Variants in HOXD11 observed in about 807,000 individuals in gnomAD.
HOXD11 encodes homeobox D11.
A neutral mutation model predicts 23.1 loss-of-function variants in HOXD11; 16 were observed. The observed-to-expected ratio is 0.69, with a 90% CI of 0.47 to 1.05. The LOEUF is 1.05. Ranked by LOEUF, HOXD11 falls within the 50% of genes least tolerant of loss-of-function variation. The pLI is 0.00. For missense variants in HOXD11, 564 were observed against 495.6 expected (o/e 1.14, Z -1.31); for synonymous variants, 262 against 224.4 (o/e 1.17, Z -1.50).
Position 176,107,554 on chromosome 2 carries a change from G to T in HOXD11, c.199G>T (p.Gly67Cys), listed in dbSNP as rs766418166. 4 of 1,596,728 alleles carry T rather than the reference G, an allele frequency of 2.5e-6. No homozygotes were observed. In the East Asian group the frequency reaches 7.0e-5, roughly 28 times the overall value. Residue 67 changes from glycine (G) to cysteine (C), a missense_variant, in exon 1 of 2, where the codon GGC becomes TGC. Coordinates refer to ENST00000249504, the MANE Select transcript of HOXD11 (RefSeq NM_021192.3). ...PVREVAFRDY[G>C]LERAKWPYRG... is the part of the protein sequence containing the mutation. ...GCGCGAAGTGGCCTTCCGCGACTAC[G>T]GCCTGGAGCGCGCCAAGTGGCCGTA... is the stretch of plus-strand genomic sequence containing the variant.
Position 176,107,404 on chromosome 2 carries a change from C to G in HOXD11, c.49C>G (p.Pro17Ala), listed in dbSNP as rs762738854. ...CGQSAASMYLPGCAYYVAPSD... is the reference protein window; with the variant it reads ...CGQSAASMYLAGCAYYVAPSD... Reference sequence around the variant, plus strand: ...CCAGAGCGCAGCCAGCATGTACCTGCCGGGCTGCGCCTACTATGTGGCCCC... The same window carrying G: ...CCAGAGCGCAGCCAGCATGTACCTGGCGGGCTGCGCCTACTATGTGGCCCC... The change falls in exon 1 of 2, where the codon CCG becomes GCG. Residue 17 changes from proline to alanine, a missense_variant. By Grantham distance (27) the Pro-to-Ala change is conservative. Coordinates refer to ENST00000249504, the MANE Select transcript of HOXD11 (RefSeq NM_021192.3). 8 of 1,613,540 alleles carry G rather than the reference C, an allele frequency of 5.0e-6. No individual in the cohort carries two copies. Among genetic ancestry groups the G allele is most frequent in the Non-Finnish European group, 5.1e-6 (6 of 1,179,814 alleles).
chr2:176,115,173 G>T, the HOXD11 span, among the ~76,000 whole-genome samples: 2 of 150,132 alleles, frequency 1.3e-5, no homozygotes, highest in Admixed American at 1.3e-4. Context: ...GGTAGTGGTG[G>T]TTCTTTAATG....
Position 176,107,606 on chromosome 2 carries a change from C to CG in HOXD11, c.257dup (p.Gly87ArgfsTer59). The CG allele has an allele frequency of 3.2e-6, 4 of 1,249,356 alleles. No homozygotes were observed. The highest frequency in any genetic ancestry group is 2.1e-4 in the Middle Eastern group (1 of 4,778). 77.4% of individuals were successfully genotyped at this position (1,249,356 alleles called of 1,614,324 possible). The stretch of plus-strand genomic sequence containing the variant: ...CGCGGCGGCGGCGGCGGCGGCAGCG[C>CG]GGGGGGCGGCAGCAGCGGGGGCGGC... On this transcript the variant is annotated frameshift_variant, in exon 1 of 2. Transcript: ENST00000249504. LOFTEE classifies it high-confidence loss of function.
At chr2:176,108,232 A>G in intron 1 of HOXD11, 96 bp downstream of exon 1, 1 of 772,284 alleles carries the variant, frequency 1.3e-6, no homozygotes, top group South Asian at 2.8e-5. Flanking sequence ...TTTATGTGCT[A>G]CTTTATAAGC....
chr2:176,112,921 T>C (rs2105391069), downstream of HOXD11, among the ~76,000 whole-genome samples: 1 of 152,136 alleles, frequency 6.6e-6, no homozygotes, highest in African/African-American at 2.4e-5. Flanking sequence ...TCTTACAAAG[T>C]GTGTGGGGCT....
At chr2:176,115,217 A>G in the HOXD11 span, among the ~76,000 whole-genome samples, 1 of 152,216 alleles carries the variant, frequency 6.6e-6, no homozygotes, top group Non-Finnish European at 1.5e-5. Flanking sequence ...TATCCTCTTC[A>G]TAGAAGTTTC....
downstream of HOXD11, among the ~76,000 whole-genome samples, chr2:176,111,843 A>AAAAAAAAAC (rs1559115548): frequency 9.5e-5 from 14 of 148,096 alleles, no homozygotes; most frequent in African/African-American, 3.6e-4. Context: ...AAAAAAAAAA[A>AAAAAAAAAC]AAAAAACCTT....
Position 176,107,799 on chromosome 2 carries a change from C to T in HOXD11, c.444C>T (p.Cys148=), listed in dbSNP as rs1458879053. Residue 148 remains cysteine (C), a synonymous_variant, in exon 1 of 2, where the codon TGC becomes TGT. Transcript: ENST00000249504. ...TCTTCAAGGCGCCTGAGCCGGTGTG[C>T]GCTGCGCCGGGGCCGCCGCACGGCC... The part of the protein sequence containing the change: ...DVLFKAPEPV[C]AAPGPPHGPA... The T allele has an allele frequency of 4.3e-6, 6 of 1,384,652 alleles. No individual in the cohort carries two copies. Among genetic ancestry groups the T allele is most frequent in the South Asian group, 3.0e-5 (2 of 65,774 alleles). The allele number at this position is 1,384,652 out of a possible 1,614,324, so 85.8% of individuals were successfully genotyped here.
chr2:176,108,147 G>C lies in HOXD11; in HGVS notation c.781+11G>C. On this transcript the variant is annotated intron_variant, in intron 1 of 1. Coordinates refer to ENST00000249504, the MANE Select transcript of HOXD11 (RefSeq NM_021192.3). ...AGAGCAGCAGCGCAGGTAGGCACCG[G>C]GTACTGGGCAAGCGGTGGGCCCGGG... 1 of 1,317,452 alleles carries C rather than the reference G, an allele frequency of 7.6e-7. No individual in the cohort carries two copies. Among genetic ancestry groups the C allele is most frequent in the Non-Finnish European group, 9.6e-7 (1 of 1,037,534 alleles). 81.6% of individuals were successfully genotyped at this position (1,317,452 alleles called of 1,614,324 possible). A position where few individuals can be genotyped will look rare whatever the true frequency, so the allele number is the denominator to read the frequency against.
downstream of HOXD11, among the ~76,000 whole-genome samples, chr2:176,111,085 T>C (rs544946201): frequency 3.7e-4 from 57 of 152,220 alleles, no homozygotes; most frequent in Non-Finnish European, 6.9e-4. Flanking sequence ...TATTGCACTT[T>C]CTACAATAAG....
Position 176,108,057 on chromosome 2 carries a change from C to A in HOXD11, c.702C>A (p.Pro234=). 6.7e-7 allele frequency: 1 copy of A among 1,486,150 alleles called. No homozygotes were observed. The highest frequency in any genetic ancestry group is 8.9e-7 in the Non-Finnish European group (1 of 1,124,684). The allele number at this position is 1,486,150 out of a possible 1,614,324, so 92.1% of individuals were successfully genotyped here. ...CCAAGGCGACCCCTGGCTCGGAGCC[C>A]AAGGGGGCAGCAGAAGGCAGCGGTG... ...PCTKATPGSE[P]KGAAEGSGGD... Residue 234 remains proline (P), a synonymous_variant, in exon 1 of 2, where the codon CCC becomes CCA. Transcript: ENST00000249504.
Position 176,107,741 on chromosome 2 carries a change from T to G in HOXD11, c.386T>G (p.Leu129Arg). Residue 129 changes from leucine to arginine, a missense_variant, in exon 1 of 2, where the codon CTT becomes CGT. By Grantham distance (102) the Leu-to-Arg change is moderately radical (BLOSUM62 -2). Coordinates refer to ENST00000249504, the MANE Select transcript of HOXD11 (RefSeq NM_021192.3). ...GAGGAGGCGGCCATGCAACGCGAGC[T>G]TCTCCCGCCCGCGGGCCGCCGGCCG... ...AAEEAAMQRE[L>R]LPPAGRRPDV... The G allele has an allele frequency of 1.7e-6, 2 of 1,188,612 alleles. No individual in the cohort carries two copies. The highest frequency in any genetic ancestry group is 2.1e-6 in the Non-Finnish European group (2 of 964,560). The allele number at this position is 1,188,612 out of a possible 1,614,324, so 73.6% of individuals were successfully genotyped here. A position where few individuals can be genotyped will look rare whatever the true frequency, so the allele number is the denominator to read the frequency against.
In HOXD11 at chr2:176,107,389, G is replaced by GC; in HGVS notation, c.36dup (p.Ser13GlnfsTer15). 1 of 1,612,730 alleles carries GC rather than the reference G, an allele frequency of 6.2e-7. No homozygotes were observed. The highest frequency in any genetic ancestry group is 1.7e-5 in the Admixed American group (1 of 59,906). On this transcript the variant is annotated frameshift_variant, in exon 1 of 2. Coordinates refer to ENST00000249504, the MANE Select transcript of HOXD11 (RefSeq NM_021192.3). LOFTEE classifies it high-confidence loss of function. Reference sequence around the variant, plus strand: ...CTTTGACGAGTGCGGCCAGAGCGCAGCCAGCATGTACCTGCCGGGCTGCGC... The same window carrying GC: ...CTTTGACGAGTGCGGCCAGAGCGCAGCCCAGCATGTACCTGCCGGGCTGCGC...
Position 176,107,528 on chromosome 2 carries a change from T to C in HOXD11, c.173T>C (p.Val58Ala). 1 of 1,613,082 alleles carries C rather than the reference T, an allele frequency of 6.2e-7. No homozygotes were observed. Among genetic ancestry groups the C allele is most frequent in the Non-Finnish European group, 8.5e-7 (1 of 1,179,626 alleles). ...AACCTGGCTCCGCACGTCCAGCCCG[T>C]GCGCGAAGTGGCCTTCCGCGACTAC... ...SSNLAPHVQPVREVAFRDYGL... is the reference protein window; with the variant it reads ...SSNLAPHVQPAREVAFRDYGL... Residue 58 changes from valine (V) to alanine (A), a missense_variant, in exon 1 of 2, where the codon GTG becomes GCG. Physicochemically the swap from Val to Ala is moderately conservative, Grantham distance 64. Transcript: ENST00000249504.
Position 176,109,091 on chromosome 2 carries a change from G to T in HOXD11, c.966G>T (p.Lys322Asn). The change falls in exon 2 of 2, where the codon AAG becomes AAT. Residue 322 changes from lysine (K) to asparagine (N), a missense_variant. Coordinates refer to ENST00000249504, the MANE Select transcript of HOXD11 (RefSeq NM_021192.3). ...TCCAGAATCGCAGGATGAAAGAAAA[G>T]AAACTGAACAGAGACCGTCTGCAGT... ...IWFQNRRMKE[K>N]KLNRDRLQYF... 6.2e-7 allele frequency: 1 copy of T among 1,614,158 alleles called. No individual in the cohort carries two copies. Among genetic ancestry groups the T allele is most frequent in the Non-Finnish European group, 8.5e-7 (1 of 1,179,968 alleles).
chr2:176,110,134 T>C (rs1377186336), downstream of HOXD11, among the ~76,000 whole-genome samples: 2 of 152,294 alleles, frequency 1.3e-5, no homozygotes, highest in East Asian at 1.9e-4. Flanking sequence ...GTGTCATAAG[T>C]GGACCTGGAG....
downstream of HOXD11, among the ~76,000 whole-genome samples, chr2:176,114,346 C>T (rs1170010639): frequency 1.3e-5 from 2 of 152,090 alleles, no homozygotes; most frequent in African/African-American, 4.8e-5. Flanking sequence ...GTTTTTCCGG[C>T]CATCCTCAAC....
chr2:176,107,853 C>T lies in HOXD11; in HGVS notation c.498C>T (p.Ser166=). The T allele has an allele frequency of 6.9e-7, 1 of 1,448,756 alleles. No individual in the cohort carries two copies. Among genetic ancestry groups the T allele is most frequent in the Non-Finnish European group, 9.1e-7 (1 of 1,098,230 alleles). 89.7% of individuals were successfully genotyped at this position (1,448,756 alleles called of 1,614,324 possible). ...GPAGAASNFY[S]AVGRNGILPQ... Reference sequence around the variant, plus strand: ...CGGGCGCCGCCTCCAACTTCTACAGCGCGGTGGGCCGCAATGGCATCTTGC... The same window carrying T: ...CGGGCGCCGCCTCCAACTTCTACAGTGCGGTGGGCCGCAATGGCATCTTGC... Residue 166 remains serine (S), a synonymous_variant, in exon 1 of 2, where the codon AGC becomes AGT. Coordinates refer to ENST00000249504, the MANE Select transcript of HOXD11 (RefSeq NM_021192.3).
downstream of HOXD11, among the ~76,000 whole-genome samples, chr2:176,112,848 G>A (rs1689696344): frequency 1.3e-5 from 2 of 152,174 alleles, no homozygotes; most frequent in Admixed American, 6.5e-5. Flanking sequence ...CCCAAGATGG[G>A]CCTGACAAGG....
Sources: gnomAD v4.1 joint callset for allele counts (sites outside exome capture counted in the v4.1 genomes callset) on GRCh38, gnomAD v4.1.1 for gene constraint, MANE v1.5 for transcripts, NCBI Gene and HGNC (gene_info 2026-07-23, HGNC 2026-07-21) for gene names.